Variants in LDLRAP1 observed in about 807,000 individuals in gnomAD.
LDLRAP1 encodes the protein low density lipoprotein receptor adapter protein 1.
Under a neutral mutation model 37.8 loss-of-function variants are expected in LDLRAP1, and 30 were observed. The observed-to-expected ratio is 0.79, with a 90% CI of 0.59 to 1.08. LDLRAP1 has a LOEUF of 1.08. LDLRAP1 is among the 50% of genes least tolerant of loss of function. The probability of loss-of-function intolerance (pLI) is 0.00; values close to 1 mark genes in which losing one functional copy is unlikely to be tolerated. For missense variants in LDLRAP1, 375 were observed against 401.6 expected (o/e 0.93, Z 0.57); for synonymous variants, 156 against 169.8 (o/e 0.92, Z 0.63).
At position 25,555,606 on chromosome 1, in the gene LDLRAP1, C is replaced by T. The variant is rs966985105; in HGVS notation, c.344+634C>T. Reference sequence around the variant, plus strand: ...GTAGCTAAACTGGAACTAGGATATCCGGGCCAGAGCCCTGTCCAGCAGGCT... The same window carrying T: ...GTAGCTAAACTGGAACTAGGATATCTGGGCCAGAGCCCTGTCCAGCAGGCT... On this transcript the variant is annotated intron_variant, in intron 3 of 8. Coordinates refer to ENST00000374338, the MANE Select transcript of LDLRAP1 (RefSeq NM_015627.3). The surrounding 1 kb of genome is among the most constrained non-coding windows in gnomAD (Gnocchi z 4.7). Among the ~76,000 whole-genome samples, 23 of 152,288 alleles carry T rather than the reference C, an allele frequency of 1.5e-4. No homozygotes were observed. The highest frequency in any genetic ancestry group is 5.9e-4 in the Admixed American group (9 of 15,300).
chr1:25,572,586 G>A (rs2044620046), downstream of LDLRAP1, among the ~76,000 whole-genome samples: 1 of 152,172 alleles, frequency 6.6e-6, no homozygotes, highest in Admixed American at 6.5e-5. Flanking sequence ...CTTATAATGG[G>A]GAGTTGAGAC....
At chr1:25,582,534 G>A in the LDLRAP1 span, among the ~76,000 whole-genome samples, 53 of 151,022 alleles carry the variant, frequency 3.5e-4, no homozygotes, top group South Asian at 1.3e-3. Flanking sequence ...GCAGTGATCC[G>A]AGATCGTGCC....
downstream of LDLRAP1, among the ~76,000 whole-genome samples, chr1:25,572,510 C>T (rs1329964707): frequency 6.6e-6 from 1 of 152,160 alleles, no homozygotes. Context: ...ATGCTGTCTT[C>T]AAAGTGAGAT....
At chr1:25,585,109 C>T in the LDLRAP1 span, among the ~76,000 whole-genome samples, 9 of 152,006 alleles carry the variant, frequency 5.9e-5, no homozygotes, top group South Asian at 1.7e-3. Flanking sequence ...GAGGGCAGAG[C>T]GGTAAGAGTT....
chr1:25,563,923 G>A lies in LDLRAP1; in HGVS notation c.747+132G>A, dbSNP rs1053760481. 9 of 1,138,270 alleles carry A rather than the reference G, an allele frequency of 7.9e-6. No homozygotes were observed. In the Admixed American group the frequency reaches 1.5e-4, roughly 19 times the overall value. 70.5% of individuals were successfully genotyped at this position (1,138,270 alleles called of 1,614,324 possible). ...TGGGAGGACCAGACCCAGCCCGGTA[G>A]TGCCCAGGCGCAGGATAGGGGATGA... On this transcript the variant is annotated intron_variant, in intron 7 of 8. Coordinates refer to ENST00000374338, the MANE Select transcript of LDLRAP1 (RefSeq NM_015627.3).
chr1:25,589,121 T>A, the LDLRAP1 span, among the ~76,000 whole-genome samples: 1 of 151,994 alleles, frequency 6.6e-6, no homozygotes, highest in Non-Finnish European at 1.5e-5. Flanking sequence ...CTGACCAACA[T>A]GACAAAACCC....
chr1:25,578,292 G>A, the LDLRAP1 span, among the ~76,000 whole-genome samples: 1 of 152,290 alleles, frequency 6.6e-6, no homozygotes, highest in East Asian at 1.9e-4. Flanking sequence ...AGAGGCCTAC[G>A]GCCCTCAAGC....
At chr1:25,553,870 G>A in intron 1 of LDLRAP1, 52 bp from the exon 2 acceptor site, 1 of 1,605,592 alleles carries the variant, frequency 6.2e-7, no homozygotes. Flanking sequence ...AGCTGTTGCT[G>A]GTGGTGGGCC....
Position 25,562,725 on chromosome 1 carries a change from T to C in LDLRAP1, c.532+9T>C, listed in dbSNP as rs777597322. ...GCAGGTGTCCAAGGAAGGTGAGACT[T>C]TGCATCTACATTGTGGGTGTGGTGG... On this transcript the variant is annotated intron_variant, in intron 5 of 8. Transcript: ENST00000374338. The C allele has an allele frequency of 3.7e-6, 6 of 1,612,990 alleles. No individual in the cohort carries two copies. In the East Asian group the frequency reaches 1.3e-4, roughly 36 times the overall value.
the LDLRAP1 span, among the ~76,000 whole-genome samples, chr1:25,585,478 A>G: frequency 6.6e-6 from 1 of 152,038 alleles, no homozygotes; most frequent in African/African-American, 2.4e-5. Context: ...GGTGCCTGCC[A>G]CCACGCCTGG....
At chr1:25,556,767 T>A (rs2044210259) in intron 3 of LDLRAP1, among the ~76,000 whole-genome samples, 1 of 152,162 alleles carries the variant, frequency 6.6e-6, no homozygotes, top group Admixed American at 6.5e-5. Context: ...CTGAAAAACA[T>A]GGATAGTGAT....
the LDLRAP1 span, among the ~76,000 whole-genome samples, chr1:25,588,797 G>C: frequency 1.3e-5 from 2 of 152,136 alleles, no homozygotes; most frequent in Non-Finnish European, 2.9e-5. Flanking sequence ...CACAGGTGTG[G>C]AGGGGCAACC....
At chr1:25,583,091 A>G in the LDLRAP1 span, among the ~76,000 whole-genome samples, 1 of 150,988 alleles carries the variant, frequency 6.6e-6, no homozygotes, top group Non-Finnish European at 1.5e-5. Flanking sequence ...CAAAAATTCC[A>G]TTCCACTCTC....
chr1:25,564,951 G>T (rs1490920230), intron 7 of LDLRAP1: 2 of 576,284 alleles, frequency 3.5e-6, no homozygotes, highest in Non-Finnish European at 6.3e-6. Flanking sequence ...GACACCCTGG[G>T]ACATGGCCTT....
intron 4 of LDLRAP1, 24 bp from the exon 5 acceptor site, chr1:25,562,620 C>T: frequency 6.2e-7 from 1 of 1,609,094 alleles, no homozygotes; most frequent in South Asian, 1.1e-5. Context: ...TGCACCCCTC[C>T]CCATCCCCAC....
chr1:25,577,592 C>A, the LDLRAP1 span, among the ~76,000 whole-genome samples: 7 of 152,182 alleles, frequency 4.6e-5, no homozygotes, highest in Non-Finnish European at 1.0e-4. Flanking sequence ...GGGAGGCCTG[C>A]GGTGAGACCT....
Position 25,555,705 on chromosome 1 carries a change from C to A in LDLRAP1, c.344+733C>A, listed in dbSNP as rs1483547982. Among the ~76,000 whole-genome samples the A allele has an allele frequency of 6.6e-6, 1 of 152,156 alleles. No individual in the cohort carries two copies. Among genetic ancestry groups the A allele is most frequent in the Non-Finnish European group, 1.5e-5 (1 of 68,034 alleles). The stretch of plus-strand genomic sequence containing the variant: ...TGGCTCAGCCCGTTGGTGCACAGGC[C>A]AGTAGTAGGGTCAGTAGATGTGTGT... On this transcript the variant is annotated intron_variant, in intron 3 of 8. Transcript: ENST00000374338. The surrounding 1 kb of genome is among the most constrained non-coding windows in gnomAD (Gnocchi z 4.7).
At chr1:25,560,517 C>T (rs2124683454) in intron 4 of LDLRAP1, among the ~76,000 whole-genome samples, 1 of 152,306 alleles carries the variant, frequency 6.6e-6, no homozygotes, top group Non-Finnish European at 1.5e-5. Flanking sequence ...GTGAAGGTGT[C>T]ATGCAGGTGC....
the LDLRAP1 span, among the ~76,000 whole-genome samples, chr1:25,583,192 A>C: frequency 8.6e-6 from 1 of 116,592 alleles, no homozygotes; most frequent in Non-Finnish European, 1.9e-5. Flanking sequence ...TTTTTTGGGG[A>C]TTTTTTTTTT....
Sources: gnomAD v4.1 joint callset for allele counts (sites outside exome capture counted in the v4.1 genomes callset) on GRCh38, gnomAD v4.1.1 for gene constraint, Gnocchi (gnomAD v3.1) non-coding constraint, MANE v1.5 for transcripts, NCBI Gene and HGNC (gene_info 2026-07-23, HGNC 2026-07-21) for gene names.